Variants in ACKR3 observed in about 807,000 individuals in gnomAD.
ACKR3 encodes atypical chemokine receptor 3.
Under a neutral mutation model 22.4 loss-of-function variants are expected in ACKR3, and 6 were observed. The observed-to-expected ratio is 0.27, with a 90% CI of 0.15 to 0.53. The LOEUF (loss-of-function observed/expected upper bound fraction) is 0.53. ACKR3 is among the 20% of genes least tolerant of loss of function. The pLI is 0.96. For missense variants in ACKR3, 396 were observed against 475.2 expected (o/e 0.83, Z 1.55); for synonymous variants, 209 against 205.2 (o/e 1.02, Z -0.16).
At chr2:236,539,857 G>A in the ACKR3 span, among the ~76,000 whole-genome samples, 7 of 152,168 alleles carry the variant, frequency 4.6e-5, no homozygotes, top group Non-Finnish European at 7.3e-5. Flanking sequence ...GCAAAGGGAC[G>A]TCTTACATGG....
the ACKR3 span, among the ~76,000 whole-genome samples, chr2:236,549,188 GTC>G: frequency 6.6e-6 from 1 of 152,182 alleles, no homozygotes; most frequent in Non-Finnish European, 1.5e-5. The surrounding 1 kb of genome is among the most constrained non-coding windows in gnomAD (Gnocchi z 5.3). Flanking sequence ...CTCTTCCTGT[GTC>G]TTCTCCTCCA....
At position 236,569,912 on chromosome 2, in the gene ACKR3, A is replaced by T. The variant is rs1222412355; in HGVS notation, c.-39A>T. 3.3e-5 allele frequency: 5 copies of T among 153,016 alleles called. No individual in the cohort carries two copies. Among genetic ancestry groups the T allele is most frequent in the African/African-American group, 1.2e-4 (5 of 41,488 alleles). 9.5% of individuals were successfully genotyped at this position (153,016 alleles called of 1,614,324 possible). A position where few individuals can be genotyped will look rare whatever the true frequency, so the allele number is the denominator to read the frequency against. The stretch of plus-strand genomic sequence containing the variant: ...CGAGCCCAGCCAGCCCAGCCAGCCC[A>T]GCCAGCCCGGAGGTAAGGAAACGGT... On this transcript the variant is annotated 5_prime_UTR_variant, in exon 1 of 2. Coordinates refer to ENST00000272928, the MANE Select transcript of ACKR3 (RefSeq NM_020311.3).
chr2:236,557,143 T>A, the ACKR3 span, among the ~76,000 whole-genome samples: 3 of 152,020 alleles, frequency 2.0e-5, no homozygotes, highest in Non-Finnish European at 2.9e-5. Flanking sequence ...GTTACAAACA[T>A]GGAAATGGAG....
At chr2:236,541,788 G>C in the ACKR3 span, among the ~76,000 whole-genome samples, 8 of 152,132 alleles carry the variant, frequency 5.3e-5, no homozygotes, top group Non-Finnish European at 1.2e-4. Flanking sequence ...TGTTCTCCTG[G>C]TAGTGAATAA....
In ACKR3 at chr2:236,575,000, G is replaced by A. The variant is rs1462075694; in HGVS notation, c.-27+5076G>A. On this transcript the variant is annotated intron_variant, in intron 1 of 1. Coordinates refer to ENST00000272928, the MANE Select transcript of ACKR3 (RefSeq NM_020311.3). The surrounding 1 kb of genome is among the most constrained non-coding windows in gnomAD (Gnocchi z 5.6). ...TGTCACTGCAACGTGCGACAGGGCC[G>A]CTAAAAAGGTGACCCCTGTACGAAG... 6.6e-6 allele frequency among the ~76,000 whole-genome samples: 1 copy of A among 152,076 alleles called. No individual in the cohort carries two copies. Among genetic ancestry groups the A allele is most frequent in the African/African-American group, 2.4e-5 (1 of 41,410 alleles).
At chr2:236,565,940 T>A (rs1691169449), upstream of ACKR3, among the ~76,000 whole-genome samples, 1 of 152,140 alleles carries the variant, frequency 6.6e-6, no homozygotes, top group African/African-American at 2.4e-5. Context: ...TGAAGCTTCT[T>A]CCCAGGGTCA....
At chr2:236,558,438 G>A in the ACKR3 span, among the ~76,000 whole-genome samples, 2 of 152,190 alleles carry the variant, frequency 1.3e-5, no homozygotes, top group African/African-American at 4.8e-5. Context: ...CGCTTTTTGT[G>A]TCTTTTTCTA....
At chr2:236,538,972 A>G in the ACKR3 span, among the ~76,000 whole-genome samples, 7 of 152,166 alleles carry the variant, frequency 4.6e-5, no homozygotes, top group Admixed American at 3.3e-4. Context: ...GGTCAGGGCT[A>G]TAGATTGTGC....
chr2:236,556,583 C>T, the ACKR3 span, among the ~76,000 whole-genome samples: 1 of 152,300 alleles, frequency 6.6e-6, no homozygotes, highest in East Asian at 1.9e-4. Context: ...CTAAAAAAGG[C>T]AAGAAAGCAG....
chr2:236,550,717 G>C, the ACKR3 span, among the ~76,000 whole-genome samples: 1 of 152,318 alleles, frequency 6.6e-6, no homozygotes, highest in East Asian at 1.9e-4. The surrounding 1 kb of genome is among the most constrained non-coding windows in gnomAD (Gnocchi z 4.6). Flanking sequence ...TTGGTAAAAT[G>C]GGTGTCTTAG....
At chr2:236,546,804 C>T in the ACKR3 span, among the ~76,000 whole-genome samples, 1 of 152,230 alleles carries the variant, frequency 6.6e-6, no homozygotes, top group Non-Finnish European at 1.5e-5. This position sits in a 1 kb window ranked among gnomAD's most constrained non-coding sequence, Gnocchi z 4.9. Context: ...GACCGTTATG[C>T]AGGAGGCTCA....
chr2:236,554,986 T>A, the ACKR3 span, among the ~76,000 whole-genome samples: 1 of 152,212 alleles, frequency 6.6e-6, no homozygotes, highest in Non-Finnish European at 1.5e-5. Flanking sequence ...AAAGGTCCTA[T>A]ATTCCGTCCC....
Position 236,582,295 on chromosome 2 carries a change from A to G in ACKR3, c.*741A>G, listed in dbSNP as rs962232849. On this transcript the variant is annotated 3_prime_UTR_variant, in exon 2 of 2. Coordinates refer to ENST00000272928, the MANE Select transcript of ACKR3 (RefSeq NM_020311.3). ...CACACACAACGAACAGTTGCATTTC[A>G]GAGAGTTCTCTCAATTTGTAAGTTA... The G allele has an allele frequency of 1.8e-5, 3 of 167,086 alleles. No homozygotes were observed. The highest frequency in any genetic ancestry group is 1.3e-4 in the Admixed American group (2 of 15,286). The allele number at this position is 167,086 out of a possible 1,614,324, so 10.4% of individuals were successfully genotyped here.
chr2:236,569,589 T>C (rs1024210653), upstream of ACKR3: 3 of 152,382 alleles, frequency 2.0e-5, no homozygotes, highest in Admixed American at 6.5e-5. Flanking sequence ...GTTTGGACTT[T>C]GTGGCTTCAC....
chr2:236,576,217 T>C (rs1339692132), intron 1 of ACKR3, among the ~76,000 whole-genome samples: 4 of 152,234 alleles, frequency 2.6e-5, no homozygotes, highest in Non-Finnish European at 5.9e-5. Flanking sequence ...GATGTCTCCT[T>C]CAGGCCCTGT....
chr2:236,546,088 A>T, the ACKR3 span, among the ~76,000 whole-genome samples: 1 of 152,216 alleles, frequency 6.6e-6, no homozygotes, highest in Non-Finnish European at 1.5e-5. The surrounding 1 kb of genome is among the most constrained non-coding windows in gnomAD (Gnocchi z 4.9). Context: ...TGAGTTGTGA[A>T]GCACCAACGA....
chr2:236,557,755 G>A, the ACKR3 span, among the ~76,000 whole-genome samples: 3 of 152,316 alleles, frequency 2.0e-5, no homozygotes, highest in South Asian at 2.1e-4. Flanking sequence ...CAGCCTGACA[G>A]CCAGTTCCAA....
At chr2:236,544,106 C>T in the ACKR3 span, among the ~76,000 whole-genome samples, 1 of 150,578 alleles carries the variant, frequency 6.6e-6, no homozygotes, top group Non-Finnish European at 1.5e-5. The surrounding 1 kb of genome is among the most constrained non-coding windows in gnomAD (Gnocchi z 5.0). Context: ...TCTGCTGCCT[C>T]AGCCTCCCGA....
intron 1 of ACKR3, among the ~76,000 whole-genome samples, chr2:236,572,386 A>C (rs1691327281): frequency 1.3e-5 from 2 of 152,202 alleles, no homozygotes; most frequent in South Asian, 2.1e-4. Context: ...GCCTTGAACC[A>C]CTGTTGGCAA....
Sources: gnomAD v4.1 joint callset for allele counts (sites outside exome capture counted in the v4.1 genomes callset) on GRCh38, gnomAD v4.1.1 for gene constraint, Gnocchi (gnomAD v3.1) non-coding constraint, MANE v1.5 for transcripts, NCBI Gene and HGNC (gene_info 2026-07-23, HGNC 2026-07-21) for gene names.